Variants in LRRTM4 observed in about 807,000 individuals in gnomAD.
LRRTM4 encodes leucine rich repeat transmembrane neuronal 4, also known as leucine-rich repeat transmembrane neuronal protein 4.
A neutral mutation model predicts 47.6 loss-of-function variants in LRRTM4; 25 were observed. The observed-to-expected ratio is 0.53, with a 90% CI of 0.38 to 0.73. LRRTM4 has a LOEUF of 0.73. Ranked by LOEUF, LRRTM4 falls within the 30% of genes least tolerant of loss-of-function variation. LRRTM4 has a pLI of 0.00. For missense variants in LRRTM4, 638 were observed against 713.4 expected (o/e 0.89, Z 1.20); for synonymous variants, 311 against 269.5 (o/e 1.15, Z -1.51).
At chr2:76,841,596 A>T (rs893659255) in intron 3 of LRRTM4, among the ~76,000 whole-genome samples, 3 of 151,416 alleles carry the variant, frequency 2.0e-5, no homozygotes, top group Non-Finnish European at 4.4e-5. Context: ...TTCACTGGTT[A>T]TTAGTATTCA....
At chr2:76,807,757 A>G (rs760534884) in intron 3 of LRRTM4, among the ~76,000 whole-genome samples, 2 of 118,008 alleles carry the variant, frequency 1.7e-5, no homozygotes, top group East Asian at 4.7e-4. Context: ...ACACCTGACT[A>G]ACTTTTATAT....
chr2:77,506,044 G>A (rs1678755713), intron 3 of LRRTM4, among the ~76,000 whole-genome samples: 1 of 151,532 alleles, frequency 6.6e-6, no homozygotes, highest in Non-Finnish European at 1.5e-5. Context: ...TTAGTGGTTG[G>A]AGCAAGAATA....
intron 3 of LRRTM4, among the ~76,000 whole-genome samples, chr2:77,360,547 T>TACA (rs1672167743): frequency 7.4e-6 from 1 of 135,116 alleles, no homozygotes; most frequent in East Asian, 2.4e-4. Context: ...AATACAATCA[T>TACA]TCATACATAC....
chr2:76,912,599 A>T (rs1213205905), intron 3 of LRRTM4, among the ~76,000 whole-genome samples: 3 of 152,226 alleles, frequency 2.0e-5, no homozygotes, highest in Non-Finnish European at 4.4e-5. Context: ...AAAAAAATTG[A>T]TATCGTAGGG....
At chr2:77,074,266 G>C (rs571577235) in intron 3 of LRRTM4, among the ~76,000 whole-genome samples, 91 of 152,176 alleles carry the variant, frequency 6.0e-4, no homozygotes, top group Admixed American at 1.5e-3. Flanking sequence ...CAGTGTGAGT[G>C]TGAGGTTTCA....
intron 3 of LRRTM4, among the ~76,000 whole-genome samples, chr2:77,222,567 TA>T (rs1203852106): frequency 6.6e-6 from 1 of 152,202 alleles, no homozygotes; most frequent in Non-Finnish European, 1.5e-5. Flanking sequence ...CATCAGAGAA[TA>T]CTCTAAACAC....
intron 3 of LRRTM4, among the ~76,000 whole-genome samples, chr2:76,791,767 G>A (rs747891204): frequency 6.6e-6 from 1 of 152,168 alleles, no homozygotes; most frequent in Non-Finnish European, 1.5e-5. Flanking sequence ...CAGCAGATAG[G>A]CTGCAGGTTT....
intron 3 of LRRTM4, among the ~76,000 whole-genome samples, chr2:77,362,682 G>C (rs1672287512): frequency 6.6e-6 from 1 of 152,132 alleles, no homozygotes; most frequent in African/African-American, 2.4e-5. Context: ...CCAGTGATGA[G>C]GATAGTCTAA....
intron 3 of LRRTM4, among the ~76,000 whole-genome samples, chr2:77,203,003 T>C (rs1210059396): frequency 6.6e-6 from 1 of 152,038 alleles, no homozygotes; most frequent in African/African-American, 2.4e-5. Flanking sequence ...GTTTCGCACA[T>C]TAAGACTACC....
At chr2:77,274,394 A>C (rs972914328) in intron 3 of LRRTM4, among the ~76,000 whole-genome samples, 1 of 152,180 alleles carries the variant, frequency 6.6e-6, no homozygotes. Context: ...AATAAAGGTC[A>C]TGGTGTTTGG....
intron 3 of LRRTM4, among the ~76,000 whole-genome samples, chr2:76,788,932 G>A (rs1674824231): frequency 6.6e-6 from 1 of 152,190 alleles, no homozygotes; most frequent in East Asian, 1.9e-4. Context: ...ACCACTGGTG[G>A]AAAAAGGTTT....
intron 3 of LRRTM4, among the ~76,000 whole-genome samples, chr2:76,790,272 T>G (rs1052126261): frequency 4.6e-5 from 7 of 152,142 alleles, no homozygotes; most frequent in Non-Finnish European, 7.4e-5. Context: ...TACGGTGGTA[T>G]GGGGATATGG....
intron 3 of LRRTM4, among the ~76,000 whole-genome samples, chr2:76,843,791 T>C (rs1189804613): frequency 4.6e-5 from 7 of 152,190 alleles, no homozygotes; most frequent in African/African-American, 1.7e-4. Flanking sequence ...TCTACAATAC[T>C]ACTTATATGT....
chr2:76,922,247 G>T (rs1166755188), intron 3 of LRRTM4, among the ~76,000 whole-genome samples: 2 of 152,052 alleles, frequency 1.3e-5, no homozygotes, highest in African/African-American at 4.8e-5. Context: ...AAGAAAATAG[G>T]TATAACTGAC....
chr2:77,455,944 A>C (rs913476462), intron 3 of LRRTM4, among the ~76,000 whole-genome samples: 1 of 151,492 alleles, frequency 6.6e-6, no homozygotes, highest in African/African-American at 2.4e-5. Context: ...GTTTTTATCC[A>C]TTTTTCCTTA....
At chr2:77,183,435 G>A (rs1303014352) in intron 3 of LRRTM4, among the ~76,000 whole-genome samples, 1 of 152,052 alleles carries the variant, frequency 6.6e-6, no homozygotes, top group Non-Finnish European at 1.5e-5. Context: ...GAAACAACAG[G>A]TGCTGGAGAG....
At chr2:76,923,783 T>C (rs1437198400) in intron 3 of LRRTM4, among the ~76,000 whole-genome samples, 1 of 152,160 alleles carries the variant, frequency 6.6e-6, no homozygotes, top group East Asian at 1.9e-4. Flanking sequence ...CAAATAGGAA[T>C]ATTTGTATTT....
At chr2:77,044,171 A>G (rs182403129) in intron 3 of LRRTM4, among the ~76,000 whole-genome samples, 5 of 151,926 alleles carry the variant, frequency 3.3e-5, no homozygotes, top group African/African-American at 9.6e-5. Context: ...AGTGCACCCA[A>G]TGCAGCAATA....
At chr2:77,480,167 T>G (rs1677615201) in intron 3 of LRRTM4, among the ~76,000 whole-genome samples, 1 of 152,038 alleles carries the variant, frequency 6.6e-6, no homozygotes, top group Admixed American at 6.5e-5. Flanking sequence ...TTTCCTCTAA[T>G]TATCAACCTC....
Sources: gnomAD v4.1 joint callset for allele counts (sites outside exome capture counted in the v4.1 genomes callset) on GRCh38, gnomAD v4.1.1 for gene constraint, MANE v1.5 for transcripts, NCBI Gene and HGNC (gene_info 2026-07-23, HGNC 2026-07-21) for gene names.